ABHD12: variants seen among roughly 807,000 people sequenced by gnomAD.
The protein encoded by ABHD12 is abhydrolase domain containing 12, lysophospholipase.
ABHD12 carries 43 observed loss-of-function variants against 58.3 expected under a neutral mutation model. The observed-to-expected ratio is 0.74, with a 90% CI of 0.58 to 0.95. ABHD12 has a LOEUF of 0.95. Among genes scored for constraint, ABHD12 ranks in the 40% least tolerant of loss-of-function variants. The probability of loss-of-function intolerance (pLI) is 0.00; values close to 1 mark genes in which losing one functional copy is unlikely to be tolerated. For synonymous variants in ABHD12, 219 were observed against 211.2 expected (o/e 1.04, Z -0.32); for missense variants, 539 against 537.2 (o/e 1.00, Z -0.03).
At chr20:25,324,282 A>G (rs942189246) in intron 2 of ABHD12, among the ~76,000 whole-genome samples, 2 of 152,334 alleles carry the variant, frequency 1.3e-5, no homozygotes, top group Admixed American at 1.3e-4. Context: ...CGACCTCCAC[A>G]TGTGGCTGGG....
At chr20:25,388,787 CTTTTTTT>C (rs780031801) in intron 1 of ABHD12, among the ~76,000 whole-genome samples, 2 of 122,082 alleles carry the variant, frequency 1.6e-5, no homozygotes, top group South Asian at 2.6e-4. Flanking sequence ...TTGATTTTTT[CTTTTTTT>C]TTTTTTTTTT....
chr20:25,297,212 G>C (rs202163870), downstream of ABHD12: 3 of 152,382 alleles, frequency 2.0e-5, no homozygotes, highest in Non-Finnish European at 4.4e-5. Context: ...GTGGGTGCTT[G>C]TGTCTGCTGT....
At chr20:25,386,412 C>A (rs1383571668) in intron 1 of ABHD12, among the ~76,000 whole-genome samples, 1 of 151,146 alleles carries the variant, frequency 6.6e-6, no homozygotes, top group African/African-American at 2.4e-5. Context: ...GCGCCCGCCA[C>A]CACGCCTGGC....
intron 1 of ABHD12, among the ~76,000 whole-genome samples, chr20:25,341,579 G>A (rs1367755739): frequency 6.6e-6 from 1 of 152,082 alleles, no homozygotes; most frequent in Non-Finnish European, 1.5e-5. Flanking sequence ...GGATGATAAT[G>A]GTACCTCCTT....
At position 25,302,313 on chromosome 20, in the gene ABHD12, G is replaced by C. The variant is rs200536497; in HGVS notation, c.1063C>G (p.Arg355Gly). 6 of 1,613,612 alleles carry C rather than the reference G, an allele frequency of 3.7e-6. No individual in the cohort carries two copies. The highest frequency in any genetic ancestry group is 3.4e-6 in the Non-Finnish European group (4 of 1,179,992). Residue 355 changes from arginine to glycine, a missense_variant, in exon 12 of 13, where the codon CGA (arginine) becomes GGA (glycine). Transcript: ENST00000339157. ...YSIAAPARSF[R>G]DFKVQFVPFH... The stretch of plus-strand genomic sequence containing the variant: ...GGCACAAACTGAACTTTGAAATCTC[G>C]GAAGCTTCGAGCTGGTGCGGCGATG...
intron 1 of ABHD12, among the ~76,000 whole-genome samples, chr20:25,386,700 G>A (rs2090095741): frequency 6.6e-6 from 1 of 152,002 alleles, no homozygotes; most frequent in Non-Finnish European, 1.5e-5. Flanking sequence ...GGTCAACATG[G>A]CAAAATCCCG....
At chr20:25,363,344 G>A (rs951946944) in intron 1 of ABHD12, among the ~76,000 whole-genome samples, 4 of 149,402 alleles carry the variant, frequency 2.7e-5, no homozygotes, top group East Asian at 2.0e-4. Context: ...TCAGCCTCCC[G>A]AGTAGCTGGT....
chr20:25,368,189 A>G (rs776368941), intron 1 of ABHD12: 182 of 1,094,712 alleles, frequency 1.7e-4, no homozygotes, highest in Non-Finnish European at 2.2e-4. Flanking sequence ...ATTCTAGGAT[A>G]CTGAGAGCAA....
At chr20:25,348,464 A>C (rs1233429987) in intron 1 of ABHD12, among the ~76,000 whole-genome samples, 7 of 150,416 alleles carry the variant, frequency 4.7e-5, no homozygotes, top group East Asian at 2.0e-4. Context: ...AAAAAAAAAA[A>C]AAACAAATGC....
At chr20:25,305,202 T>C (rs2088713028) in intron 10 of ABHD12, among the ~76,000 whole-genome samples, 1 of 152,164 alleles carries the variant, frequency 6.6e-6, no homozygotes, top group Admixed American at 6.5e-5. Flanking sequence ...AACAGTAGTA[T>C]TTACAAACAA....
At chr20:25,383,548 C>T (rs529284705) in intron 1 of ABHD12, among the ~76,000 whole-genome samples, 1 of 152,302 alleles carries the variant, frequency 6.6e-6, no homozygotes, top group South Asian at 2.1e-4. Context: ...GGGCTGGGCG[C>T]GGTGGCTCAC....
At chr20:25,347,759 G>A (rs1052567760) in intron 1 of ABHD12, among the ~76,000 whole-genome samples, 3 of 152,086 alleles carry the variant, frequency 2.0e-5, no homozygotes, top group African/African-American at 7.2e-5. Context: ...AGCCCAGAAG[G>A]AAAGATAAAT....
chr20:25,351,253 T>C (rs927222439), intron 1 of ABHD12, among the ~76,000 whole-genome samples: 1 of 152,238 alleles, frequency 6.6e-6, no homozygotes, highest in Admixed American at 6.5e-5. Context: ...GCAAAGACTT[T>C]GTCTTTCACC....
At chr20:25,360,838 A>G (rs1238719827) in intron 1 of ABHD12, among the ~76,000 whole-genome samples, 2 of 151,806 alleles carry the variant, frequency 1.3e-5, no homozygotes, top group Non-Finnish European at 2.9e-5. Flanking sequence ...AACTGGAAAA[A>G]CCCGTCTGGG....
rs116335933 is a variant in ABHD12 at position 25,382,947 on chromosome 20, G to T, written c.191+7566C>A. On this transcript the variant is annotated intron_variant, in intron 1 of 12. Transcript: ENST00000339157. Reference sequence around the variant, plus strand: ...AAAACCAGTACCAGTTGAGGGGGGGGGCCAGCTATGGCGCCATAAACAAAG... The same window carrying T: ...AAAACCAGTACCAGTTGAGGGGGGGTGCCAGCTATGGCGCCATAAACAAAG... Among the ~76,000 whole-genome samples, 5 of 152,232 alleles carry T rather than the reference G, an allele frequency of 3.3e-5. 1 individual carries two copies. The highest frequency in any genetic ancestry group is 4.8e-5 in the African/African-American group (2 of 41,524).
chr20:25,314,973 G>A lies in ABHD12; in HGVS notation c.574-3C>T. ...TGGTAACCAAGGGAACTCAGCACCT[G>A]TAAAGTGAAAAATAAACATCTTTGG... On this transcript the variant is annotated splice_polypyrimidine_tract_variant and splice_region_variant and intron_variant, in intron 5 of 12. Coordinates refer to ENST00000339157, the MANE Select transcript of ABHD12 (RefSeq NM_001042472.3). The A allele has an allele frequency of 1.2e-6, 2 of 1,614,202 alleles. No individual in the cohort carries two copies. The highest frequency in any genetic ancestry group is 1.7e-6 in the Non-Finnish European group (2 of 1,180,018).
downstream of ABHD12, among the ~76,000 whole-genome samples, chr20:25,299,762 G>A (rs547754828): frequency 6.6e-6 from 1 of 152,328 alleles, no homozygotes; most frequent in African/African-American, 2.4e-5. Flanking sequence ...GTGTCTCTGG[G>A]GCCGTGGGTG....
At chr20:25,294,861 G>T in exon 13 of ABHD12, 1 of 1,266,376 alleles carries the variant, frequency 7.9e-7, no homozygotes, top group Non-Finnish European at 1.2e-6. Context: ...GTTGGCAAAA[G>T]TTGAATCCGG....
At chr20:25,366,729 T>C (rs1213664541) in intron 1 of ABHD12, among the ~76,000 whole-genome samples, 1 of 152,218 alleles carries the variant, frequency 6.6e-6, no homozygotes, top group Admixed American at 6.5e-5. Flanking sequence ...TTCAAATGGC[T>C]ACCCAATTGT....
Sources: gnomAD v4.1 joint callset for allele counts (sites outside exome capture counted in the v4.1 genomes callset) on GRCh38, gnomAD v4.1.1 for gene constraint, MANE v1.5 for transcripts, NCBI Gene and HGNC (gene_info 2026-07-23, HGNC 2026-07-21) for gene names.